The following STXBP6 variants were observed in gnomAD, a reference collection of about 807,000 sequenced individuals.
STXBP6 encodes the protein syntaxin-binding protein 6.
A neutral mutation model predicts 26.9 loss-of-function variants in STXBP6; 21 were observed. The ratio of observed to expected loss-of-function variants is 0.78; its 90% CI spans 0.55 to 1.12. STXBP6 has a LOEUF of 1.12. Among genes scored for constraint, STXBP6 ranks in the 50% most tolerant of loss-of-function variants. The pLI is 0.00. For missense variants in STXBP6, 232 were observed against 257.9 expected, an observed-to-expected ratio of 0.90 and a Z score of 0.69; for synonymous variants, 97 against 92.6, an observed-to-expected ratio of 1.05 and a Z score of -0.27.
At chr14:24,821,570 AT>A (rs2068136049) in intron 4 of STXBP6, among the ~76,000 whole-genome samples, 1 of 152,214 alleles carries the variant, frequency 6.6e-6, no homozygotes, top group Non-Finnish European at 1.5e-5. Context: ...ATCAGGATGA[AT>A]TCGAACAAAT....
intron 1 of STXBP6, among the ~76,000 whole-genome samples, chr14:25,018,511 GCCA>G (rs2075201475): frequency 2.0e-5 from 3 of 152,138 alleles, no homozygotes; most frequent in African/African-American, 7.2e-5. Context: ...CTTTGGCATT[GCCA>G]CCCAGGGTTA....
intron 2 of STXBP6, among the ~76,000 whole-genome samples, chr14:24,968,271 G>A (rs961805858): frequency 2.7e-5 from 4 of 149,508 alleles, no homozygotes; most frequent in African/African-American, 9.9e-5. Flanking sequence ...GAATTTCTTC[G>A]TTTTTCCTGG....
intron 1 of STXBP6, among the ~76,000 whole-genome samples, chr14:25,035,195 G>C (rs2075529777): frequency 6.6e-6 from 1 of 151,510 alleles, no homozygotes; most frequent in Non-Finnish European, 1.5e-5. Context: ...ACTTTAGACA[G>C]TTGTACCTGT....
At chr14:24,974,898 A>C in intron 1 of STXBP6, 48 bp from the exon 2 acceptor site, 2 of 1,291,836 alleles carry the variant, frequency 1.5e-6, no homozygotes, top group Non-Finnish European at 1.0e-6. Context: ...CAACATTGTA[A>C]GGGTTCATAC....
chr14:24,912,126 T>G (rs1015805695), intron 2 of STXBP6, among the ~76,000 whole-genome samples: 1 of 152,158 alleles, frequency 6.6e-6, no homozygotes, highest in African/African-American at 2.4e-5. Flanking sequence ...GTATTGTACA[T>G]AAGTAACTCT....
chr14:24,822,952 T>C (rs1413043853), intron 4 of STXBP6, among the ~76,000 whole-genome samples: 1 of 152,212 alleles, frequency 6.6e-6, no homozygotes, highest in African/African-American at 2.4e-5. Context: ...TGTGCTGAGT[T>C]AAATCTGGAA....
chr14:24,866,227 G>A (rs1479489032), intron 2 of STXBP6, among the ~76,000 whole-genome samples: 1 of 152,100 alleles, frequency 6.6e-6, no homozygotes, highest in Admixed American at 6.6e-5. Flanking sequence ...AAGGCCTTTG[G>A]ACTTGTACTG....
intron 4 of STXBP6, among the ~76,000 whole-genome samples, chr14:24,843,175 A>G (rs1042122845): frequency 2.0e-4 from 30 of 152,212 alleles, no homozygotes; most frequent in Non-Finnish European, 2.9e-5. Flanking sequence ...GAATAACGAT[A>G]ACTACTTTTT....
chr14:24,871,206 T>G (rs564017622), intron 2 of STXBP6, among the ~76,000 whole-genome samples: 2 of 152,192 alleles, frequency 1.3e-5, no homozygotes, highest in Non-Finnish European at 2.9e-5. Context: ...AACTTCACAC[T>G]GGAGAGGCAT....
intron 4 of STXBP6, among the ~76,000 whole-genome samples, chr14:24,843,552 T>C (rs2068847389): frequency 6.6e-6 from 1 of 152,222 alleles, no homozygotes; most frequent in African/African-American, 2.4e-5. Flanking sequence ...ATGTTTTATA[T>C]ATGATCTTGT....
At chr14:24,868,376 A>C (rs2069799851) in intron 2 of STXBP6, among the ~76,000 whole-genome samples, 1 of 152,188 alleles carries the variant, frequency 6.6e-6, no homozygotes, top group African/African-American at 2.4e-5. Flanking sequence ...GGGAGAAGCA[A>C]ATTAAAACCA....
At chr14:24,849,976 C>T (rs1463495007) in intron 4 of STXBP6, among the ~76,000 whole-genome samples, 1 of 152,120 alleles carries the variant, frequency 6.6e-6, no homozygotes, top group Non-Finnish European at 1.5e-5. Flanking sequence ...GTGAGGTTCA[C>T]ACTCCAAAGT....
chr14:25,022,842 T>C (rs528175768), intron 1 of STXBP6, among the ~76,000 whole-genome samples: 4 of 152,250 alleles, frequency 2.6e-5, no homozygotes, highest in Non-Finnish European at 2.9e-5. Flanking sequence ...ACATCACCAC[T>C]TGGATGCCTC....
chr14:24,936,435 T>C (rs776740709), intron 2 of STXBP6, among the ~76,000 whole-genome samples: 31 of 152,302 alleles, frequency 2.0e-4, no homozygotes, highest in South Asian at 1.5e-3. Flanking sequence ...ATGGAAAATA[T>C]ACACATAGGA....
intron 1 of STXBP6, among the ~76,000 whole-genome samples, chr14:25,028,444 C>A (rs148222407): frequency 3.9e-4 from 59 of 152,220 alleles, no homozygotes; most frequent in Admixed American, 2.6e-3. Flanking sequence ...CTAGATGACA[C>A]CACATCTGTT....
In STXBP6 at chr14:25,032,472, C is replaced by A. The variant is rs539733805; in HGVS notation, c.-33+17406G>T. On this transcript the variant is annotated intron_variant, in intron 1 of 5. Transcript: ENST00000323944. ...CTCCCCCAGTCCTCAGTCACATTAA[C>A]CAAAAACTCATCCACTGATTCAATC... 5.9e-5 allele frequency among the ~76,000 whole-genome samples: 9 copies of A among 152,276 alleles called. No individual in the cohort carries two copies. The South Asian group carries it at 1.9e-3, about 32-fold the overall frequency.
intron 2 of STXBP6, among the ~76,000 whole-genome samples, chr14:24,870,767 C>T (rs978559680): frequency 5.9e-5 from 9 of 152,162 alleles, no homozygotes; most frequent in African/African-American, 2.2e-4. Flanking sequence ...AATAGACTCC[C>T]TACCCCATCA....
intron 2 of STXBP6, among the ~76,000 whole-genome samples, chr14:24,916,439 G>A (rs943519040): frequency 2.6e-5 from 4 of 152,028 alleles, no homozygotes; most frequent in South Asian, 4.1e-4. Context: ...ACATAAATTT[G>A]GTCTTTGCAA....
At chr14:25,039,424 T>C (rs2140498841) in intron 1 of STXBP6, among the ~76,000 whole-genome samples, 1 of 152,308 alleles carries the variant, frequency 6.6e-6, no homozygotes, top group Non-Finnish European at 1.5e-5. Context: ...TTTTACTTAG[T>C]TTCTCTCTCA....
Sources: gnomAD v4.1 joint callset for allele counts (sites outside exome capture counted in the v4.1 genomes callset) on GRCh38, gnomAD v4.1.1 for gene constraint, MANE v1.5 for transcripts, NCBI Gene and HGNC (gene_info 2026-07-23, HGNC 2026-07-21) for gene names.